The following ASTN2 variants were observed in gnomAD, a reference collection of about 807,000 sequenced individuals.
ASTN2 encodes astrotactin-2.
Under a neutral mutation model 139.8 loss-of-function variants are expected in ASTN2, and 54 were observed. The ratio of observed to expected loss-of-function variants is 0.39; its 90% CI spans 0.31 to 0.48. ASTN2 has a LOEUF of 0.48. Among genes scored for constraint, ASTN2 ranks in the 20% least tolerant of loss-of-function variants. The probability of loss-of-function intolerance (pLI) is 0.95; values close to 1 mark genes in which losing one functional copy is unlikely to be tolerated. For synonymous variants in ASTN2, 756 were observed against 719.5 expected, an observed-to-expected ratio of 1.05 and a Z score of -0.81; for missense variants, 1,565 against 1,725.1, an observed-to-expected ratio of 0.91 and a Z score of 1.64.
rs1033310978 is a variant in ASTN2 at position 117,412,617 on chromosome 9, C to G, written c.442+1880G>C. ...CGAAGACTTGAAATGCTCTGTGGTC[C>G]TCACTGCCAAGTCAGGCCATACCCA... is the stretch of plus-strand genomic sequence containing the variant. On this transcript the variant is annotated intron_variant, in intron 1 of 22. Coordinates refer to ENST00000313400, the MANE Select transcript of ASTN2 (RefSeq NM_001365068.1). 2.6e-5 allele frequency among the ~76,000 whole-genome samples: 4 copies of G among 152,288 alleles called. No individual in the cohort carries two copies. The East Asian group carries it at 7.7e-4, about 29-fold the overall frequency.
intron 5 of ASTN2, among the ~76,000 whole-genome samples, chr9:117,073,746 T>C (rs1164496628): frequency 6.6e-6 from 1 of 152,092 alleles, no homozygotes; most frequent in Non-Finnish European, 1.5e-5. Context: ...ACTCCAGCAA[T>C]GGGCCTGGGG....
intron 19 of ASTN2, among the ~76,000 whole-genome samples, chr9:116,515,196 T>G (rs1001066237): frequency 1.3e-5 from 2 of 152,188 alleles, no homozygotes; most frequent in African/African-American, 4.8e-5. Flanking sequence ...ATTTGGATAT[T>G]AATATGAATC....
intron 10 of ASTN2, among the ~76,000 whole-genome samples, chr9:116,949,837 C>T (rs569766163): frequency 2.1e-4 from 32 of 152,112 alleles, no homozygotes; most frequent in African/African-American, 4.6e-4. Flanking sequence ...GAGAAGGCTA[C>T]GTGACTTTAA....
At chr9:117,232,381 G>A (rs1832919836) in intron 2 of ASTN2, among the ~76,000 whole-genome samples, 1 of 152,090 alleles carries the variant, frequency 6.6e-6, no homozygotes, top group African/African-American at 2.4e-5. Context: ...GAATGAGGCT[G>A]TGAGCTTGCA....
rs955041072 is a variant in ASTN2 at position 116,942,166 on chromosome 9, C to T, written c.1889+33042G>A. ...TGCTTCTCTGAGGTCTCTCCTCTAC[C>T]CAGTGCAGTGCGGCAACGTGGGATA... is the stretch of plus-strand genomic sequence containing the variant. On this transcript the variant is annotated intron_variant, in intron 10 of 22. Coordinates refer to ENST00000313400, the MANE Select transcript of ASTN2 (RefSeq NM_001365068.1). Among the ~76,000 whole-genome samples, 5 of 151,864 alleles carry T rather than the reference C, an allele frequency of 3.3e-5. No homozygotes were observed. In the East Asian group the frequency reaches 5.8e-4, roughly 18 times the overall value.
intron 11 of ASTN2, among the ~76,000 whole-genome samples, chr9:116,837,565 TTC>T (rs1832044024): frequency 6.6e-6 from 1 of 152,214 alleles, no homozygotes; most frequent in South Asian, 2.1e-4. Flanking sequence ...AGCCATTTGT[TTC>T]TGTTTGTAAT....
chr9:116,788,923 C>G (rs1296245644), intron 13 of ASTN2, among the ~76,000 whole-genome samples: 1 of 152,158 alleles, frequency 6.6e-6, no homozygotes, highest in African/African-American at 2.4e-5. Context: ...ACATAATAAG[C>G]TCTTGATGTG....
chr9:116,554,345 C>T (rs540620191), intron 19 of ASTN2, among the ~76,000 whole-genome samples: 1 of 152,278 alleles, frequency 6.6e-6, no homozygotes, highest in Admixed American at 6.5e-5. Context: ...AGGGAGGACC[C>T]ACTTTGGGAT....
intron 3 of ASTN2, among the ~76,000 whole-genome samples, chr9:117,202,964 G>T (rs1831777388): frequency 6.6e-6 from 1 of 151,952 alleles, no homozygotes; most frequent in Non-Finnish European, 1.5e-5. Context: ...GTCTCCTTCT[G>T]GTACTCCAAT....
chr9:116,976,170 T>G lies in ASTN2; in HGVS notation c.1695A>C (p.Thr565=). The G allele has an allele frequency of 6.2e-7, 1 of 1,614,046 alleles. No individual in the cohort carries two copies. Among genetic ancestry groups the G allele is most frequent in the Non-Finnish European group, 8.5e-7 (1 of 1,179,968 alleles). Residue 565 remains threonine (T), a synonymous_variant, in exon 9 of 23, where the codon ACA becomes ACC. Coordinates refer to ENST00000313400, the MANE Select transcript of ASTN2 (RefSeq NM_001365068.1). ...GQSEGPWPYT[T]LERGYDLVTG... The stretch of plus-strand genomic sequence containing the variant: ...TCACCAGATCATAGCCCCTCTCAAG[T>G]GTCGTGTAGGGCCAAGGTCTATGGG...
intron 20 of ASTN2, among the ~76,000 whole-genome samples, chr9:116,462,437 G>A (rs185027912): frequency 2.0e-5 from 3 of 152,186 alleles, no homozygotes; most frequent in Admixed American, 6.5e-5. Context: ...CAATTCTTTG[G>A]GAATCCCTGT....
At chr9:116,788,942 G>T (rs1339622540) in intron 13 of ASTN2, among the ~76,000 whole-genome samples, 1 of 152,088 alleles carries the variant, frequency 6.6e-6, no homozygotes, top group Non-Finnish European at 1.5e-5. Flanking sequence ...TGTACTGATT[G>T]GCTGGAGCAC....
chr9:117,142,084 T>A (rs7043225), intron 3 of ASTN2, among the ~76,000 whole-genome samples: 58 of 152,206 alleles, frequency 3.8e-4, no homozygotes, highest in African/African-American at 1.3e-3. Context: ...TGCTTGAGCA[T>A]TGGAAAGTAA....
intron 10 of ASTN2, among the ~76,000 whole-genome samples, chr9:116,894,187 C>T (rs1454834167): frequency 6.6e-6 from 1 of 152,120 alleles, no homozygotes. Flanking sequence ...AACATGTGGG[C>T]CTCCTTTCTG....
At chr9:116,560,227 A>C (rs61520570) in intron 19 of ASTN2, among the ~76,000 whole-genome samples, 24,142 of 152,104 alleles carry the variant, frequency 0.16, 2,086 homozygotes, top group African/African-American at 0.21. Flanking sequence ...TCTCCACATA[A>C]CAGCCCAGTG....
chr9:117,413,408 C>A (rs1193086655), intron 1 of ASTN2, among the ~76,000 whole-genome samples: 3 of 152,240 alleles, frequency 2.0e-5, no homozygotes, highest in East Asian at 3.9e-4. Context: ...GAGCCCCTGG[C>A]GCCTCACGGG....
At chr9:116,910,512 T>C (rs980722839) in intron 10 of ASTN2, among the ~76,000 whole-genome samples, 3 of 152,194 alleles carry the variant, frequency 2.0e-5, no homozygotes, top group Non-Finnish European at 4.4e-5. Flanking sequence ...CACGCTTACA[T>C]ACAAACGTTC....
chr9:116,613,149 T>C (rs916834151), intron 19 of ASTN2: 23 of 152,292 alleles, frequency 1.5e-4, no homozygotes, highest in African/African-American at 5.5e-4. Flanking sequence ...CCTGGACACA[T>C]ACAGCCTCCT....
intron 11 of ASTN2, among the ~76,000 whole-genome samples, chr9:116,834,961 G>A (rs181857411): frequency 1.0e-3 from 154 of 152,268 alleles, no homozygotes; most frequent in Non-Finnish European, 1.7e-3. Flanking sequence ...AGGTGGGAAG[G>A]TCGCTTGAGC....
Sources: gnomAD v4.1 joint callset for allele counts (sites outside exome capture counted in the v4.1 genomes callset) on GRCh38, gnomAD v4.1.1 for gene constraint, MANE v1.5 for transcripts, NCBI Gene and HGNC (gene_info 2026-07-23, HGNC 2026-07-21) for gene names.